The following TOR1AIP1 variants were observed in gnomAD, a reference collection of about 807,000 sequenced individuals.
The protein encoded by TOR1AIP1 is torsin-1A-interacting protein 1.
Under a neutral mutation model 63.3 loss-of-function variants are expected in TOR1AIP1, and 54 were observed. That is an observed-to-expected ratio of 0.85 (90% CI 0.69 to 1.07). The LOEUF (loss-of-function observed/expected upper bound fraction) is 1.07. Among genes scored for constraint, TOR1AIP1 ranks in the 50% least tolerant of loss-of-function variants. The pLI is 0.00. For missense variants in TOR1AIP1, 736 were observed against 715.0 expected, an observed-to-expected ratio of 1.03 and a Z score of -0.33; for synonymous variants, 294 against 273.5, an observed-to-expected ratio of 1.07 and a Z score of -0.74.
chr1:179,917,346 T>C (rs1333495507), intron 9 of TOR1AIP1, 106 bp from the exon 10 acceptor site: 1 of 941,740 alleles, frequency 1.1e-6, no homozygotes, highest in Non-Finnish European at 1.6e-6. Context: ...AAGTCCTTCC[T>C]CTTTTACCTA....
intron 3 of TOR1AIP1, among the ~76,000 whole-genome samples, chr1:179,893,245 A>AAAAC (rs781609317): frequency 2.7e-5 from 4 of 150,646 alleles, no homozygotes; most frequent in East Asian, 3.9e-4. Context: ...TTGGTCTCCA[A>AAAAC]AAACAAACAA....
chr1:179,905,529 G>GA (rs1343818131), intron 6 of TOR1AIP1, among the ~76,000 whole-genome samples: 12 of 152,110 alleles, frequency 7.9e-5, no homozygotes, highest in Non-Finnish European at 1.6e-4. Context: ...TAGCTGCTGG[G>GA]AAAAAATCAG....
At chr1:179,883,814 C>T (rs1210865591) in intron 1 of TOR1AIP1, 1 of 377,102 alleles carries the variant, frequency 2.7e-6, no homozygotes, top group Non-Finnish European at 5.3e-6. Flanking sequence ...TTAATCTATC[C>T]TCTCCCACCC....
chr1:179,885,021 T>G lies in TOR1AIP1; in HGVS notation c.553+252T>G, dbSNP rs545610397. Among the ~76,000 whole-genome samples the G allele has an allele frequency of 2.4e-4, 36 of 152,338 alleles. 1 individual carries two copies. Among genetic ancestry groups the G allele is most frequent in the African/African-American group, 8.7e-4 (36 of 41,580 alleles). On this transcript the variant is annotated intron_variant, in intron 2 of 9. Coordinates refer to ENST00000606911, the MANE Select transcript of TOR1AIP1 (RefSeq NM_015602.4). ...ACTGAGCCAAAATTCAAACCCAGGT[T>G]TGTCTTCTCCAGAGCCCTTTTACTT...
intron 3 of TOR1AIP1, among the ~76,000 whole-genome samples, chr1:179,894,574 G>C (rs908155093): frequency 6.6e-6 from 1 of 152,068 alleles, no homozygotes; most frequent in Non-Finnish European, 1.5e-5. Flanking sequence ...TGTAATCCCA[G>C]CCACTTGGGA....
At chr1:179,889,204 TA>T in intron 2 of TOR1AIP1, 108 bp from the exon 3 acceptor site, 1 of 813,542 alleles carries the variant, frequency 1.2e-6, no homozygotes, top group Non-Finnish European at 1.8e-6. Flanking sequence ...CTAGCGTAAA[TA>T]AAAGCTCTGT....
intron 3 of TOR1AIP1, among the ~76,000 whole-genome samples, chr1:179,892,852 C>T (rs186349716): frequency 1.3e-4 from 20 of 151,872 alleles, no homozygotes; most frequent in African/African-American, 4.6e-4. Context: ...TTTTTATTGT[C>T]TGAAATTATG....
intron 3 of TOR1AIP1, among the ~76,000 whole-genome samples, chr1:179,895,321 A>T (rs1558041215): frequency 1.3e-5 from 2 of 152,150 alleles, no homozygotes. Flanking sequence ...TTAAAAAAGT[A>T]TTTTTTTAAG....
intron 6 of TOR1AIP1, 22 bp from the exon 7 acceptor site, chr1:179,907,801 T>G (rs755386994): frequency 3.2e-6 from 5 of 1,582,536 alleles, no homozygotes; most frequent in Middle Eastern, 1.7e-4. Context: ...TTCTATGACC[T>G]TATCCCTGTT....
At chr1:179,913,097 A>C (rs1438160738) in intron 8 of TOR1AIP1, among the ~76,000 whole-genome samples, 1 of 151,790 alleles carries the variant, frequency 6.6e-6, no homozygotes, top group African/African-American at 2.4e-5. Context: ...GGGAAGGGTT[A>C]GGATCATTTT....
intron 2 of TOR1AIP1, among the ~76,000 whole-genome samples, chr1:179,885,764 A>G (rs1647892697): frequency 6.6e-6 from 1 of 152,068 alleles, no homozygotes; most frequent in South Asian, 2.1e-4. Context: ...TTTTTGAGAC[A>G]AAGTCTCGCT....
At chr1:179,911,227 A>G (rs1054398806) in intron 8 of TOR1AIP1, among the ~76,000 whole-genome samples, 1 of 152,260 alleles carries the variant, frequency 6.6e-6, no homozygotes, top group African/African-American at 2.4e-5. Context: ...GGAAGACTAC[A>G]GTGATTTTTC....
chr1:179,889,280 A>G, intron 2 of TOR1AIP1, 33 bp from the exon 3 acceptor site: 2 of 1,508,538 alleles, frequency 1.3e-6, no homozygotes, highest in Non-Finnish European at 1.8e-6. Context: ...CATTTTATAT[A>G]TTTTTAAATG....
intron 5 of TOR1AIP1, among the ~76,000 whole-genome samples, chr1:179,903,367 C>T (rs16854935): frequency 0.021 from 3,159 of 152,248 alleles, 128 homozygotes; most frequent in African/African-American, 0.072. Context: ...AGATGCTCCA[C>T]TGTTGTAAAC....
intron 9 of TOR1AIP1, among the ~76,000 whole-genome samples, chr1:179,916,368 C>T (rs1438949906): frequency 6.6e-6 from 1 of 152,096 alleles, no homozygotes; most frequent in African/African-American, 2.4e-5. Flanking sequence ...TTGAGGTACC[C>T]CACAGACCAC....
chr1:179,909,876 C>T (rs1345284227), intron 8 of TOR1AIP1, among the ~76,000 whole-genome samples: 1 of 152,146 alleles, frequency 6.6e-6, no homozygotes, highest in Non-Finnish European at 1.5e-5. Context: ...CATTCTTGTG[C>T]CTTAGCCTCC....
chr1:179,888,397 C>T (rs192054154), intron 2 of TOR1AIP1, among the ~76,000 whole-genome samples: 1 of 152,280 alleles, frequency 6.6e-6, no homozygotes, highest in African/African-American at 2.4e-5. Flanking sequence ...CCTTCGCCTC[C>T]CAAATAGCTG....
Position 179,914,050 on chromosome 1 carries a change from C to T in TOR1AIP1, c.960C>T (p.Ser320=). The change falls in exon 9 of 10, where the codon AGC becomes AGT. Residue 320 remains serine (S), a synonymous_variant. Coordinates refer to ENST00000606911, the MANE Select transcript of TOR1AIP1 (RefSeq NM_015602.4). The stretch of plus-strand genomic sequence containing the variant: ...GAAACCAGTCACCATCAACCTCCAG[C>T]CGACGTAAGTTTATGTATTCAGTTT... ...ELGNQSPSTS[S]RQVTGQPQNA... 6.2e-7 allele frequency: 1 copy of T among 1,613,458 alleles called. No individual in the cohort carries two copies. The highest frequency in any genetic ancestry group is 2.2e-5 in the East Asian group (1 of 44,836).
chr1:179,907,467 T>C (rs1648675859), intron 6 of TOR1AIP1, among the ~76,000 whole-genome samples: 1 of 150,264 alleles, frequency 6.7e-6, no homozygotes. Flanking sequence ...AAAATTATAC[T>C]TGATATATAT....
Sources: gnomAD v4.1 joint callset for allele counts (sites outside exome capture counted in the v4.1 genomes callset) on GRCh38, gnomAD v4.1.1 for gene constraint, MANE v1.5 for transcripts, NCBI Gene and HGNC (gene_info 2026-07-23, HGNC 2026-07-21) for gene names.